The following ADK variants were observed in gnomAD, a reference collection of about 807,000 sequenced individuals.
The protein encoded by ADK is N6,N6-dimethyladenosine kinase.
In ADK, 24 loss-of-function variants were observed where a neutral mutation model predicts 44.7. The observed-to-expected ratio is 0.54, with a 90% CI of 0.39 to 0.76. The LOEUF (loss-of-function observed/expected upper bound fraction) is 0.76. ADK is among the 30% of genes least tolerant of loss of function. ADK has a pLI of 0.00. For missense variants in ADK, 321 were observed against 425.1 expected (o/e 0.76, Z 2.15); for synonymous variants, 128 against 142.6 (o/e 0.90, Z 0.73).
At chr10:74,255,682 TTA>T (rs2132351492) in intron 3 of ADK, among the ~76,000 whole-genome samples, 1 of 152,304 alleles carries the variant, frequency 6.6e-6, no homozygotes, top group South Asian at 2.1e-4. Context: ...TCCTATAACT[TTA>T]AGTTAATTTA....
intron 6 of ADK, among the ~76,000 whole-genome samples, chr10:74,492,941 A>C (rs958667445): frequency 1.3e-5 from 2 of 152,164 alleles, no homozygotes; most frequent in Admixed American, 6.5e-5. Context: ...GAGAGTACCT[A>C]ACTATCCTAT....
chr10:74,228,907 A>G (rs996035731), intron 3 of ADK, among the ~76,000 whole-genome samples: 15 of 152,042 alleles, frequency 9.9e-5, no homozygotes, highest in Admixed American at 6.5e-5. Context: ...TTTGTTTGCT[A>G]TAAGGCAAGG....
intron 3 of ADK, among the ~76,000 whole-genome samples, chr10:74,266,992 G>T (rs1846237072): frequency 6.6e-6 from 1 of 152,116 alleles, no homozygotes; most frequent in South Asian, 2.1e-4. Context: ...TAGGGAAAAA[G>T]AAATTGCCTG....
intron 7 of ADK, among the ~76,000 whole-genome samples, chr10:74,554,646 A>T (rs1201140156): frequency 6.6e-6 from 1 of 152,070 alleles, no homozygotes; most frequent in Non-Finnish European, 1.5e-5. Context: ...GTCCATTTTG[A>T]TAATATTTCT....
At chr10:74,347,106 C>CAAAAAAAAAAAAAAAAAAAAAAAAA (rs58074760) in intron 4 of ADK, among the ~76,000 whole-genome samples, 1 of 92,302 alleles carries the variant, frequency 1.1e-5, no homozygotes, top group African/African-American at 6.9e-5. Context: ...CACTCTGTCT[C>CAAAAAAAAAAAAAAAAAAAAAAAAA]AAAAAAAAAA....
At chr10:74,473,193 GAC>G (rs74890577) in intron 6 of ADK, among the ~76,000 whole-genome samples, 38 of 149,582 alleles carry the variant, frequency 2.5e-4, no homozygotes, top group South Asian at 2.3e-3. Context: ...TATACACACA[GAC>G]ACACACACAC....
intron 6 of ADK, among the ~76,000 whole-genome samples, chr10:74,452,399 A>G (rs1344162353): frequency 6.6e-6 from 1 of 151,996 alleles, no homozygotes; most frequent in Non-Finnish European, 1.5e-5. Context: ...ATTGACACAT[A>G]TGAATGTAGT....
At chr10:74,518,987 A>T (rs547904040) in intron 6 of ADK, among the ~76,000 whole-genome samples, 2 of 151,964 alleles carry the variant, frequency 1.3e-5, no homozygotes, top group Admixed American at 6.5e-5. Context: ...TATTCTCTGG[A>T]GTGGTGCTAT....
intron 6 of ADK, among the ~76,000 whole-genome samples, chr10:74,445,649 A>G (rs1845566165): frequency 6.6e-6 from 1 of 151,990 alleles, no homozygotes; most frequent in African/African-American, 2.4e-5. Context: ...TGAAAACCCC[A>G]CAATTATATA....
intron 6 of ADK, among the ~76,000 whole-genome samples, chr10:74,449,380 C>T (rs1845693074): frequency 6.6e-6 from 1 of 152,002 alleles, no homozygotes; most frequent in African/African-American, 2.4e-5. Flanking sequence ...CTGAAAAATA[C>T]CTGTATAGCA....
chr10:74,192,410 T>C (rs898458414), intron 1 of ADK, among the ~76,000 whole-genome samples: 1 of 152,102 alleles, frequency 6.6e-6, no homozygotes, highest in Admixed American at 6.5e-5. Flanking sequence ...CTGTTTTTAG[T>C]AGAAGCAAGT....
intron 3 of ADK, 132 bp downstream of exon 3, chr10:74,224,723 C>A: frequency 1.3e-6 from 1 of 741,276 alleles, no homozygotes; most frequent in Non-Finnish European, 2.4e-6. Flanking sequence ...TTAATCCTAA[C>A]AATTATGATA....
Position 74,151,359 on chromosome 10 carries a change from C to G in ADK, c.65+16C>G, listed in dbSNP as rs954582207. 1 of 1,549,328 alleles carries G rather than the reference C, an allele frequency of 6.5e-7. No homozygotes were observed. The highest frequency in any genetic ancestry group is 8.7e-7 in the Non-Finnish European group (1 of 1,146,744). ...AAGCGCTGAGGTGAGCGCTGCCGGA[C>G]TTGGGGAGGAGGGTGACGGCGCTGC... On this transcript the variant is annotated intron_variant, in intron 1 of 10. Transcript: ENST00000539909.
intron 6 of ADK, among the ~76,000 whole-genome samples, chr10:74,434,208 A>G (rs1254718445): frequency 1.3e-5 from 2 of 152,186 alleles, no homozygotes; most frequent in Admixed American, 1.3e-4. Context: ...TATCAACAGA[A>G]GAGACAGAAA....
chr10:74,176,489 C>T, intron 1 of ADK: 2 of 1,162,142 alleles, frequency 1.7e-6, no homozygotes, highest in Non-Finnish European at 2.1e-6. Flanking sequence ...GCCAGAGGCG[C>T]GGCCATTTTT....
intron 4 of ADK, among the ~76,000 whole-genome samples, chr10:74,360,797 T>G (rs1842308336): frequency 1.3e-5 from 2 of 152,220 alleles, no homozygotes; most frequent in Admixed American, 1.3e-4. Context: ...AGAATATCTT[T>G]CTGCATCCCT....
chr10:74,342,779 T>TTGTGTGTGTGTGTGTGTG (rs757212421), intron 4 of ADK, among the ~76,000 whole-genome samples: 2,626 of 141,314 alleles, frequency 0.019, 37 homozygotes, highest in Middle Eastern at 0.04. Flanking sequence ...CTAGCTCAGT[T>TTGTGTGTGTGTGTGTGTG]TGTGTGTGTG....
At chr10:74,359,074 G>T (rs1341410190) in intron 4 of ADK, among the ~76,000 whole-genome samples, 4 of 151,820 alleles carry the variant, frequency 2.6e-5, no homozygotes, top group Middle Eastern at 6.8e-3. Context: ...GTAGTTTCAG[G>T]TCTTAACATT....
At chr10:74,658,513 C>A (rs1244083183) in intron 9 of ADK, among the ~76,000 whole-genome samples, 1 of 152,120 alleles carries the variant, frequency 6.6e-6, no homozygotes, top group Non-Finnish European at 1.5e-5. Flanking sequence ...CTCACTACAG[C>A]CCCAACCTCC....
Sources: gnomAD v4.1 joint callset for allele counts (sites outside exome capture counted in the v4.1 genomes callset) on GRCh38, gnomAD v4.1.1 for gene constraint, MANE v1.5 for transcripts, NCBI Gene and HGNC (gene_info 2026-07-23, HGNC 2026-07-21) for gene names.